CD2AP: variants seen among roughly 807,000 people sequenced by gnomAD.
The protein encoded by CD2AP is CD2 associated protein, also known as CD2-associated protein.
CD2AP carries 46 observed loss-of-function variants against 85.1 expected under a neutral mutation model. The observed-to-expected ratio is 0.54, with a 90% CI of 0.43 to 0.69. The LOEUF (loss-of-function observed/expected upper bound fraction) is 0.69. Ranked by LOEUF, CD2AP falls within the 30% of genes least tolerant of loss-of-function variation. The pLI, the probability that CD2AP is intolerant of heterozygous loss-of-function variation, is 0.00. For missense variants in CD2AP, 769 were observed against 729.5 expected (o/e 1.05, Z -0.62); for synonymous variants, 255 against 252.9 (o/e 1.01, Z -0.08).
At chr6:47,603,020 A>G (rs1020538081) in intron 13 of CD2AP, among the ~76,000 whole-genome samples, 5 of 152,244 alleles carry the variant, frequency 3.3e-5, no homozygotes, top group South Asian at 2.1e-4. Context: ...TAGTTGATCT[A>G]TTTTTTAAAA....
intron 5 of CD2AP, among the ~76,000 whole-genome samples, chr6:47,559,182 AT>A: frequency 6.7e-6 from 1 of 148,550 alleles, no homozygotes; most frequent in African/African-American, 2.5e-5. Context: ...CCCCTTTATC[AT>A]TTTTTATCCA....
chr6:47,528,378 T>C (rs1187618737), intron 2 of CD2AP, among the ~76,000 whole-genome samples: 1 of 152,226 alleles, frequency 6.6e-6, no homozygotes, highest in Non-Finnish European at 1.5e-5. Context: ...TTTTGTCATG[T>C]TCGCCAGGCT....
intron 5 of CD2AP, among the ~76,000 whole-genome samples, chr6:47,568,752 A>AAATAAATT (rs1456859799): frequency 1.1e-4 from 17 of 151,704 alleles, no homozygotes; most frequent in African/African-American, 3.9e-4. Context: ...TCAAATAAAT[A>AAATAAATT]AATAAATAAG....
Position 47,478,185 on chromosome 6 carries a change from C to T in CD2AP, c.-60C>T, listed in dbSNP as rs1765352404. 6.4e-7 allele frequency: 1 copy of T among 1,553,958 alleles called. No homozygotes were observed. Among genetic ancestry groups the T allele is most frequent in the African/African-American group, 1.4e-5 (1 of 73,248 alleles). On this transcript the variant is annotated 5_prime_UTR_variant, in exon 1 of 18. Transcript: ENST00000359314. ...CAGCCGCGGGAGCGGCCGCGCGAGCCACCACTGGAGGAGGAGGAGGAGGAG... is the reference window on the plus strand; with the variant it reads ...CAGCCGCGGGAGCGGCCGCGCGAGCTACCACTGGAGGAGGAGGAGGAGGAG...
chr6:47,589,411 CATAT>C (rs1049235864), intron 11 of CD2AP, among the ~76,000 whole-genome samples: 2 of 147,134 alleles, frequency 1.4e-5, no homozygotes, highest in Admixed American at 1.4e-4. Context: ...TATACACACA[CATAT>C]ATATACACAA....
At chr6:47,495,957 C>T (rs1459169182) in intron 1 of CD2AP, among the ~76,000 whole-genome samples, 4 of 152,128 alleles carry the variant, frequency 2.6e-5, no homozygotes, top group Non-Finnish European at 5.9e-5. Context: ...AACTTTGTTA[C>T]TGGTTCTGTT....
At chr6:47,510,068 G>A (rs940081884) in intron 2 of CD2AP, among the ~76,000 whole-genome samples, 2 of 152,098 alleles carry the variant, frequency 1.3e-5, no homozygotes, top group African/African-American at 4.8e-5. Flanking sequence ...CTGCCTGCTA[G>A]CAGAGTATAT....
chr6:47,614,690 C>T (rs1452896645), intron 17 of CD2AP, among the ~76,000 whole-genome samples: 1 of 152,184 alleles, frequency 6.6e-6, no homozygotes, highest in African/African-American at 2.4e-5. Flanking sequence ...TAGAGTTGCT[C>T]AGCACAGGAT....
At chr6:47,518,679 G>T (rs1766511458) in intron 2 of CD2AP, among the ~76,000 whole-genome samples, 2 of 152,138 alleles carry the variant, frequency 1.3e-5, no homozygotes, top group South Asian at 4.1e-4. Context: ...GGGATTGCTG[G>T]GGTATATAAG....
intron 13 of CD2AP, among the ~76,000 whole-genome samples, chr6:47,605,818 T>C (rs572061096): frequency 2.6e-5 from 4 of 152,144 alleles, no homozygotes; most frequent in African/African-American, 9.6e-5. Context: ...AGTAGATCTT[T>C]GTTAGGAACT....
intron 11 of CD2AP, among the ~76,000 whole-genome samples, chr6:47,582,973 C>T (rs1363784263): frequency 2.0e-5 from 3 of 151,738 alleles, no homozygotes; most frequent in African/African-American, 7.3e-5. Flanking sequence ...TTAGTAGAGG[C>T]GGGGTTTCAC....
chr6:47,615,826 T>C (rs1446384781), intron 17 of CD2AP, among the ~76,000 whole-genome samples: 1 of 150,294 alleles, frequency 6.7e-6, no homozygotes, highest in Non-Finnish European at 1.5e-5. Flanking sequence ...TATTTATTTA[T>C]TTATTAGCAG....
At chr6:47,519,143 T>C (rs112514135) in intron 2 of CD2AP, among the ~76,000 whole-genome samples, 118 of 152,318 alleles carry the variant, frequency 7.7e-4, no homozygotes, top group African/African-American at 2.7e-3. Context: ...CAGACAAATA[T>C]GCAAAAGAAT....
chr6:47,517,283 T>A (rs966665673), intron 2 of CD2AP, among the ~76,000 whole-genome samples: 1 of 150,988 alleles, frequency 6.6e-6, no homozygotes, highest in Non-Finnish European at 1.5e-5. Flanking sequence ...CAATTAAACT[T>A]CTTTTTTTTT....
At chr6:47,554,582 C>T in intron 4 of CD2AP, 64 bp from the exon 5 acceptor site, 1 of 1,587,398 alleles carries the variant, frequency 6.3e-7, no homozygotes, top group Non-Finnish European at 8.6e-7. Flanking sequence ...CTTAATTTTC[C>T]CATAGGGTGA....
At chr6:47,617,444 A>G (rs1769622286) in intron 17 of CD2AP, among the ~76,000 whole-genome samples, 1 of 152,290 alleles carries the variant, frequency 6.6e-6, no homozygotes, top group South Asian at 2.1e-4. Context: ...GTTTCTGGCT[A>G]TTAGTCCCCC....
At chr6:47,486,059 T>G (rs917739632) in intron 1 of CD2AP, among the ~76,000 whole-genome samples, 1 of 152,070 alleles carries the variant, frequency 6.6e-6, no homozygotes, top group African/African-American at 2.4e-5. Context: ...ACACCAATAT[T>G]AAGAAAAAGG....
chr6:47,592,613 T>C (rs1768832785), intron 11 of CD2AP, among the ~76,000 whole-genome samples: 1 of 152,114 alleles, frequency 6.6e-6, no homozygotes, highest in Non-Finnish European at 1.5e-5. Flanking sequence ...TTTATATTAA[T>C]GAGGAGGCTT....
chr6:47,543,178 AGAAAAAAG>A (rs1767274650), intron 3 of CD2AP, among the ~76,000 whole-genome samples: 1 of 139,344 alleles, frequency 7.2e-6, no homozygotes, highest in Non-Finnish European at 1.6e-5. Flanking sequence ...AAAAAGAAAA[AGAAAAAAG>A]AAAAAAAAGA....
Sources: gnomAD v4.1 joint callset for allele counts (sites outside exome capture counted in the v4.1 genomes callset) on GRCh38, gnomAD v4.1.1 for gene constraint, MANE v1.5 for transcripts, NCBI Gene and HGNC (gene_info 2026-07-23, HGNC 2026-07-21) for gene names.